MBOAT2: variants seen among roughly 807,000 people sequenced by gnomAD.
MBOAT2 encodes membrane-bound glycerophospholipid O-acyltransferase 2.
Under a neutral mutation model 63.4 loss-of-function variants are expected in MBOAT2, and 28 were observed. The observed-to-expected ratio is 0.44, with a 90% CI of 0.33 to 0.61. The LOEUF is 0.61. Among genes scored for constraint, MBOAT2 ranks in the 20% least tolerant of loss-of-function variants. The pLI, the probability that MBOAT2 is intolerant of heterozygous loss-of-function variation, is 0.03. For synonymous variants in MBOAT2, 211 were observed against 215.6 expected (o/e 0.98, Z 0.19); for missense variants, 470 against 605.8 (o/e 0.78, Z 2.35).
chr2:9,003,169 G>A lies in MBOAT2; in HGVS notation c.75+371C>T, dbSNP rs896711001. Among the ~76,000 whole-genome samples, 1 of 152,022 alleles carries A rather than the reference G, an allele frequency of 6.6e-6. No individual in the cohort carries two copies. Among genetic ancestry groups the A allele is most frequent in the African/African-American group, 2.4e-5 (1 of 41,406 alleles). Reference sequence around the variant, plus strand: ...GCCTTCCGCACCCTTTCCACAACCCGGTCCATGCGCACCGGGGGCTGCTCC... The same window carrying A: ...GCCTTCCGCACCCTTTCCACAACCCAGTCCATGCGCACCGGGGGCTGCTCC... On this transcript the variant is annotated intron_variant, in intron 1 of 12. Coordinates refer to ENST00000305997, the MANE Select transcript of MBOAT2 (RefSeq NM_138799.4). This position sits in a 1 kb window ranked among gnomAD's most constrained non-coding sequence, Gnocchi z 5.4.
chr2:8,916,392 T>C (rs377707962), intron 3 of MBOAT2, among the ~76,000 whole-genome samples: 10 of 152,362 alleles, frequency 6.6e-5, no homozygotes, highest in African/African-American at 2.4e-4. Flanking sequence ...CGGAACATTT[T>C]CTTATTCATT....
intron 1 of MBOAT2, among the ~76,000 whole-genome samples, chr2:8,999,151 C>G (rs981762301): frequency 6.6e-6 from 1 of 152,168 alleles, no homozygotes; most frequent in Non-Finnish European, 1.5e-5. Context: ...TTTCCCTGCC[C>G]GGAATTCAGC....
chr2:8,986,419 C>G (rs555996353), intron 1 of MBOAT2, among the ~76,000 whole-genome samples: 13 of 151,816 alleles, frequency 8.6e-5, no homozygotes, highest in Non-Finnish European at 1.5e-4. Context: ...CAAAATTAGC[C>G]GTGCCTGGTG....
chr2:8,872,805 CTA>C (rs1662422740), intron 8 of MBOAT2, among the ~76,000 whole-genome samples: 1 of 152,166 alleles, frequency 6.6e-6, no homozygotes, highest in African/African-American at 2.4e-5. Context: ...AGGATAAGAA[CTA>C]TGTCTTATAC....
intron 4 of MBOAT2, among the ~76,000 whole-genome samples, chr2:8,889,731 CAT>C (rs1663849478): frequency 6.6e-6 from 1 of 152,166 alleles, no homozygotes; most frequent in African/African-American, 2.4e-5. Flanking sequence ...CACCTTAAAA[CAT>C]AGTAACAACT....
intron 4 of MBOAT2, among the ~76,000 whole-genome samples, chr2:8,902,890 G>T (rs1665063980): frequency 6.6e-6 from 1 of 152,196 alleles, no homozygotes; most frequent in Admixed American, 6.5e-5. Flanking sequence ...GGCTCGGGTG[G>T]CCTGCTTTTA....
intron 6 of MBOAT2, 103 bp downstream of exon 6, chr2:8,882,408 G>A (rs776873788): frequency 1.8e-6 from 2 of 1,132,076 alleles, no homozygotes; most frequent in Admixed American, 1.9e-5. Context: ...ATTTTCAGAA[G>A]TAAGTACCTC....
chr2:8,972,819 A>T (rs937396606), intron 1 of MBOAT2, among the ~76,000 whole-genome samples: 18 of 152,220 alleles, frequency 1.2e-4, no homozygotes, highest in African/African-American at 4.3e-4. Flanking sequence ...CCACAATGAG[A>T]TACCATCTCA....
At chr2:8,986,194 C>T (rs1671551199) in intron 1 of MBOAT2, among the ~76,000 whole-genome samples, 1 of 136,428 alleles carries the variant, frequency 7.3e-6, no homozygotes, top group Non-Finnish European at 1.5e-5. Context: ...ATCCTCAAAG[C>T]AGACAAGGTC....
intron 3 of MBOAT2, among the ~76,000 whole-genome samples, chr2:8,924,676 C>A (rs570433726): frequency 2.6e-5 from 4 of 151,060 alleles, no homozygotes; most frequent in Non-Finnish European, 4.4e-5. Flanking sequence ...CAAAAATGAA[C>A]CAAACCCCCA....
intron 3 of MBOAT2, among the ~76,000 whole-genome samples, chr2:8,917,773 T>C (rs1377609691): frequency 6.6e-6 from 1 of 152,212 alleles, no homozygotes; most frequent in East Asian, 1.9e-4. Flanking sequence ...ACAAAAATAC[T>C]TGAAGAATGT....
chr2:8,895,687 TCTAG>T (rs1288313322), intron 4 of MBOAT2, among the ~76,000 whole-genome samples: 2 of 152,168 alleles, frequency 1.3e-5, no homozygotes, highest in African/African-American at 4.8e-5. Context: ...CGATGACCGC[TCTAG>T]CTACTTCCTG....
At position 8,958,630 on chromosome 2, in the gene MBOAT2, C is replaced by T; in HGVS notation, c.88G>A (p.Val30Met). The change falls in exon 2 of 13, where the codon GTG (valine) becomes ATG (methionine). Residue 30 changes from valine to methionine, a missense_variant. By Grantham distance (21) the Val-to-Met change is conservative. Around this residue, in one of 3 missense-constraint regions of MBOAT2, gnomAD observed 376 missense variants for 503.8 expected, o/e 0.75. Coordinates refer to ENST00000305997, the MANE Select transcript of MBOAT2 (RefSeq NM_138799.4). ...GCTAGCAAGGCAAAGAGTTGGCACA[C>T]TACAAAGTTGACCTGTAAAGAAAAA... Reference protein sequence around the residue: ...QLPIDQVNFVVCQLFALLAAI... With the variant: ...QLPIDQVNFVMCQLFALLAAI... 1 of 1,583,674 alleles carries T rather than the reference C, an allele frequency of 6.3e-7. No individual in the cohort carries two copies. The highest frequency in any genetic ancestry group is 8.5e-7 in the Non-Finnish European group (1 of 1,170,126).
At chr2:8,891,541 TA>T (rs1387923719) in intron 4 of MBOAT2, among the ~76,000 whole-genome samples, 1 of 152,232 alleles carries the variant, frequency 6.6e-6, no homozygotes, top group African/African-American at 2.4e-5. Context: ...ATTTTGTTCA[TA>T]AATCTCTGGT....
chr2:8,909,816 A>G (rs566351746), intron 3 of MBOAT2, among the ~76,000 whole-genome samples: 88 of 152,340 alleles, frequency 5.8e-4, no homozygotes, highest in African/African-American at 2.1e-3. Context: ...AGCATTGAGA[A>G]ATCAAATTTT....
At chr2:8,923,046 G>T (rs56271761) in intron 3 of MBOAT2, among the ~76,000 whole-genome samples, 3,827 of 152,306 alleles carry the variant, frequency 0.025, 88 homozygotes, top group Non-Finnish European at 0.031. Flanking sequence ...AACTGCTTTT[G>T]CTCATTCTTG....
intron 1 of MBOAT2, among the ~76,000 whole-genome samples, chr2:9,001,511 T>C (rs947084914): frequency 1.4e-4 from 22 of 152,312 alleles, no homozygotes; most frequent in Admixed American, 1.4e-3. Flanking sequence ...AGCAGACATG[T>C]GGTCTGATGA....
chr2:8,948,678 C>A (rs1017207304), intron 2 of MBOAT2, among the ~76,000 whole-genome samples: 1 of 152,190 alleles, frequency 6.6e-6, no homozygotes, highest in Non-Finnish European at 1.5e-5. Flanking sequence ...TGATTTCCTT[C>A]TTTTTACAGC....
In MBOAT2 at chr2:8,943,264, C is replaced by T; in HGVS notation, c.222G>A (p.Trp74Ter). ...GLYLALFCFG[W>*]YALHFLVQSG... ...TTTGTACAAGAAAGTGTAAGGCATA[C>T]CTATAAAAAGTAAGAGCACTATTAG... is the stretch of plus-strand genomic sequence containing the variant. The change falls in exon 3 of 13, where the codon TGG becomes TGA. Residue 74 changes from tryptophan (W) to a stop codon, truncating the protein, a stop_gained and splice_region_variant. Transcript: ENST00000305997. LOFTEE classifies it high-confidence loss of function. 6.4e-7 allele frequency: 1 copy of T among 1,550,530 alleles called. No homozygotes were observed. Among genetic ancestry groups the T allele is most frequent in the Non-Finnish European group, 8.8e-7 (1 of 1,140,756 alleles).
Sources: allele counts gnomAD v4.1 joint callset (sites outside exome capture counted in the v4.1 genomes callset), GRCh38; gene constraint gnomAD v4.1.1; regional missense constraint gnomAD v4.1.1; non-coding constraint Gnocchi (gnomAD v3.1); transcripts MANE v1.5; gene names NCBI Gene and HGNC (gene_info 2026-07-23, HGNC 2026-07-21).